Variants in PWP1 observed in about 807,000 individuals in gnomAD.
PWP1 encodes the protein PWP1 homolog, endonuclein.
Under a neutral mutation model 69.9 loss-of-function variants are expected in PWP1, and 47 were observed. That is an observed-to-expected ratio of 0.67 (90% confidence interval 0.53 to 0.86). The LOEUF (loss-of-function observed/expected upper bound fraction) is 0.86. Among genes scored for constraint, PWP1 ranks in the 40% least tolerant of loss-of-function variants. PWP1 has a pLI of 0.00. For missense variants in PWP1, 551 were observed against 608.8 expected, an observed-to-expected ratio of 0.91 and a Z score of 1.00; for synonymous variants, 222 against 208.2, an observed-to-expected ratio of 1.07 and a Z score of -0.57.
chr12:107,709,083 G>T, intron 12 of PWP1, 28 bp from the exon 13 acceptor site: 2 of 1,613,636 alleles, frequency 1.2e-6, no homozygotes, highest in South Asian at 2.2e-5. Flanking sequence ...ATTTCAAAGC[G>T]AAAGTGTCTA....
intron 11 of PWP1, 56 bp from the exon 12 acceptor site, chr12:107,708,870 C>G: frequency 6.8e-7 from 1 of 1,470,318 alleles, no homozygotes; most frequent in Non-Finnish European, 9.5e-7. Context: ...AGACTTTTTA[C>G]CCATTGTTAG....
chr12:107,694,915 A>C (rs1454148033), intron 5 of PWP1, among the ~76,000 whole-genome samples: 2 of 152,130 alleles, frequency 1.3e-5, no homozygotes, highest in East Asian at 3.8e-4. Flanking sequence ...ATATTCTAAA[A>C]CTGATCCGAA....
intron 3 of PWP1, among the ~76,000 whole-genome samples, chr12:107,690,772 T>G (rs1226622940): frequency 6.6e-6 from 1 of 152,158 alleles, no homozygotes; most frequent in Admixed American, 6.5e-5. Context: ...GAGGAAATAG[T>G]GTTAACTGTT....
chr12:107,687,549 A>G (rs1269275350), intron 1 of PWP1, among the ~76,000 whole-genome samples: 3 of 152,212 alleles, frequency 2.0e-5, no homozygotes, highest in South Asian at 4.1e-4. Context: ...TGAAGAGTTT[A>G]TAGGAAAAAG....
In PWP1 at chr12:107,693,009, GA is replaced by G. The variant is rs764119020; in HGVS notation, c.417del (p.Glu139AspfsTer6). ...YVTLKDTEQY[E>X]REDFLIKPSD... ...TTTTCCTCTCACTTAGGAACAATAT[GA>G]ACGTGAAGATTTCTTGATTAAGCCC... On this transcript the variant is annotated frameshift_variant, in exon 5 of 15. Coordinates refer to ENST00000412830, the MANE Select transcript of PWP1 (RefSeq NM_007062.3). LOFTEE classifies it high-confidence loss of function. The G allele has an allele frequency of 6.5e-5, 105 of 1,613,944 alleles. No homozygotes were observed. Among genetic ancestry groups the G allele is most frequent in the Non-Finnish European group, 8.5e-5 (100 of 1,179,994 alleles).
intron 11 of PWP1, among the ~76,000 whole-genome samples, chr12:107,705,181 T>C (rs1156678499): frequency 6.6e-6 from 1 of 152,120 alleles, no homozygotes; most frequent in Non-Finnish European, 1.5e-5. Flanking sequence ...AAAAAAAGTA[T>C]AAGACCTCTG....
At chr12:107,694,897 T>C (rs1262365381) in intron 5 of PWP1, among the ~76,000 whole-genome samples, 1 of 152,126 alleles carries the variant, frequency 6.6e-6, no homozygotes, top group Non-Finnish European at 1.5e-5. Flanking sequence ...AAGAATAACT[T>C]CAAATTTATA....
chr12:107,695,138 C>T (rs1220575554), intron 5 of PWP1, among the ~76,000 whole-genome samples: 5 of 148,514 alleles, frequency 3.4e-5, no homozygotes, highest in African/African-American at 4.9e-5. Flanking sequence ...TGGTGGCGGG[C>T]GCCTGTAGTC....
At chr12:107,686,003 C>A in intron 1 of PWP1, 32 bp downstream of exon 1, 1 of 1,610,540 alleles carries the variant, frequency 6.2e-7, no homozygotes. Context: ...ACAAGGGGAG[C>A]AGCGTCTTTA....
Position 107,712,150 on chromosome 12 carries a change from G to C in PWP1, c.1436G>C (p.Gly479Ala), listed in dbSNP as rs1566084659. The change falls in exon 15 of 15, where the codon GGG (glycine) becomes GCG (alanine). Residue 479 changes from glycine (G) to alanine (A), a missense_variant. By Grantham distance (60) the Gly-to-Ala change is moderately conservative (BLOSUM62 0). Transcript: ENST00000412830. ...AFGRRERLVL[G>A]SARNSSISGP... ...GGAAGACGAGAGAGGCTTGTTCTTG[G>C]GAGTGCAAGAAATTCATCTATTAGT... The C allele has an allele frequency of 1.3e-5, 21 of 1,613,998 alleles. No homozygotes were observed. The highest frequency in any genetic ancestry group is 1.8e-5 in the Non-Finnish European group (21 of 1,179,934).
At position 107,712,887 on chromosome 12, in the gene PWP1, C is replaced by T. The variant is rs1889987193; in HGVS notation, c.*667C>T. The T allele has an allele frequency of 6.6e-6, 1 of 152,222 alleles. No individual in the cohort carries two copies. The highest frequency in any genetic ancestry group is 1.5e-5 in the Non-Finnish European group (1 of 68,042). The allele number at this position is 152,222 out of a possible 1,614,324, so 9.4% of individuals were successfully genotyped here. ...GAATAAGTCTTTGCTCTCCACCTAACAAGGGACAGTTTTAATTATAGATTG... is the reference window on the plus strand; with the variant it reads ...GAATAAGTCTTTGCTCTCCACCTAATAAGGGACAGTTTTAATTATAGATTG... On this transcript the variant is annotated 3_prime_UTR_variant, in exon 15 of 15. Coordinates refer to ENST00000412830, the MANE Select transcript of PWP1 (RefSeq NM_007062.3).
Position 107,708,915 on chromosome 12 carries a change from A to T in PWP1, c.1078-11A>T. On this transcript the variant is annotated splice_polypyrimidine_tract_variant and intron_variant, in intron 11 of 14. Transcript: ENST00000412830. The stretch of plus-strand genomic sequence containing the variant: ...CGTAGCATGACCTTGCCCATCTTTT[A>T]CTCTTTCTAGGCCAGTACAGATGAC... The T allele has an allele frequency of 6.2e-7, 1 of 1,610,716 alleles. No individual in the cohort carries two copies. Among genetic ancestry groups the T allele is most frequent in the Non-Finnish European group, 8.5e-7 (1 of 1,178,470 alleles).
intron 7 of PWP1, among the ~76,000 whole-genome samples, chr12:107,698,380 G>A (rs757134014): frequency 8.6e-5 from 13 of 151,862 alleles, no homozygotes; most frequent in Non-Finnish European, 1.3e-4. Context: ...GAACTGCTAG[G>A]CCAGTCATAG....
At chr12:107,694,696 GTCA>G (rs777145628) in intron 5 of PWP1, among the ~76,000 whole-genome samples, 4 of 151,734 alleles carry the variant, frequency 2.6e-5, no homozygotes, top group Non-Finnish European at 4.4e-5. Flanking sequence ...AGTTTTTTTT[GTCA>G]TCATCGATTT....
intron 11 of PWP1, among the ~76,000 whole-genome samples, chr12:107,706,107 G>T (rs1490325736): frequency 6.6e-6 from 1 of 152,132 alleles, no homozygotes; most frequent in Non-Finnish European, 1.5e-5. Flanking sequence ...GTGTAAGATG[G>T]TATCTCATTG....
chr12:107,701,545 T>C (rs557750086), intron 8 of PWP1, among the ~76,000 whole-genome samples: 3 of 152,360 alleles, frequency 2.0e-5, no homozygotes, highest in Admixed American at 2.0e-4. Flanking sequence ...ATGTATGTTT[T>C]CTTCTGAGTT....
intron 3 of PWP1, among the ~76,000 whole-genome samples, chr12:107,691,605 G>T (rs139208791): frequency 6.6e-6 from 1 of 152,118 alleles, no homozygotes; most frequent in Admixed American, 6.5e-5. Context: ...GATTGCAGAG[G>T]TAGCTGGGAG....
intron 8 of PWP1, among the ~76,000 whole-genome samples, chr12:107,700,648 T>C (rs1163995362): frequency 6.6e-6 from 1 of 152,220 alleles, no homozygotes; most frequent in South Asian, 2.1e-4. Flanking sequence ...TGTACAAATA[T>C]TCAAGTCCCT....
chr12:107,693,138 G>A, intron 5 of PWP1, 42 bp downstream of exon 5: 1 of 1,565,180 alleles, frequency 6.4e-7, no homozygotes, highest in East Asian at 2.3e-5. Flanking sequence ...CTAAGTGATG[G>A]TAAAATAATA....
Sources: allele counts gnomAD v4.1 joint callset (sites outside exome capture counted in the v4.1 genomes callset), GRCh38; gene constraint gnomAD v4.1.1; transcripts MANE v1.5; gene names NCBI Gene and HGNC (gene_info 2026-07-23, HGNC 2026-07-21).